Variants in SND1 observed in about 807,000 individuals in gnomAD.
SND1 encodes staphylococcal nuclease and tudor domain containing 1.
Under a neutral mutation model 121.7 loss-of-function variants are expected in SND1, and 38 were observed. The observed-to-expected ratio is 0.31, with a 90% CI of 0.24 to 0.41. The LOEUF (loss-of-function observed/expected upper bound fraction) is 0.41. Among genes scored for constraint, SND1 ranks in the 10% least tolerant of loss-of-function variants. The probability of loss-of-function intolerance (pLI) is 1.00; values close to 1 mark genes in which losing one functional copy is unlikely to be tolerated. For missense variants in SND1, 868 were observed against 1,184.6 expected, an observed-to-expected ratio of 0.73 and a Z score of 3.92; for synonymous variants, 401 against 447.4, an observed-to-expected ratio of 0.90 and a Z score of 1.31.
At chr7:127,680,703 G>A (rs769771849) in intron 1 of SND1, among the ~76,000 whole-genome samples, 4 of 150,728 alleles carry the variant, frequency 2.7e-5, no homozygotes, top group Non-Finnish European at 2.9e-5. Flanking sequence ...AAACACACAC[G>A]CTCTACAGTT....
At position 127,653,404 on chromosome 7, in the gene SND1, T is replaced by C. The variant is rs1467601848; in HGVS notation, c.78+953T>C. Among the ~76,000 whole-genome samples the C allele has an allele frequency of 3.3e-5, 5 of 152,242 alleles. No homozygotes were observed. The East Asian group carries it at 9.6e-4, about 29-fold the overall frequency. On this transcript the variant is annotated intron_variant, in intron 1 of 23. Coordinates refer to ENST00000354725, the MANE Select transcript of SND1 (RefSeq NM_014390.4). ...CTGGTTTATGATGACTGTAAACTTC[T>C]AGATGTCGTTTCATACTGCAGTTCT...
At chr7:127,730,278 A>G (rs1796652938) in intron 10 of SND1, among the ~76,000 whole-genome samples, 1 of 152,200 alleles carries the variant, frequency 6.6e-6, no homozygotes, top group African/African-American at 2.4e-5. Flanking sequence ...GACATTGGAC[A>G]GCTCTTAGTC....
intron 1 of SND1, among the ~76,000 whole-genome samples, chr7:127,662,842 A>G (rs990557662): frequency 2.0e-5 from 3 of 150,864 alleles, no homozygotes; most frequent in African/African-American, 7.3e-5. Flanking sequence ...AGTCCCTTGT[A>G]TAACATGGGA....
intron 13 of SND1, among the ~76,000 whole-genome samples, chr7:127,899,906 T>A (rs1001777195): frequency 2.0e-5 from 3 of 152,150 alleles, no homozygotes; most frequent in Non-Finnish European, 4.4e-5. Flanking sequence ...AGAGACATCA[T>A]GGAGGCTGCT....
intron 12 of SND1, among the ~76,000 whole-genome samples, chr7:127,847,198 G>A (rs574568824): frequency 3.3e-5 from 5 of 152,226 alleles, no homozygotes; most frequent in South Asian, 4.2e-4. Flanking sequence ...CTTGAACCCC[G>A]GAGGCGGGAG....
At chr7:127,807,998 A>AGCACG (rs1236966408) in intron 11 of SND1, among the ~76,000 whole-genome samples, 1 of 152,042 alleles carries the variant, frequency 6.6e-6, no homozygotes, top group African/African-American at 2.4e-5. Context: ...AGAGGGGATG[A>AGCACG]CCTGGACTAA....
At chr7:127,951,291 G>A (rs1801457108) in intron 15 of SND1, among the ~76,000 whole-genome samples, 1 of 152,190 alleles carries the variant, frequency 6.6e-6, no homozygotes, top group Admixed American at 6.5e-5. Context: ...TGAATCTGCA[G>A]GTCATTATGC....
At position 127,929,173 on chromosome 7, in the gene SND1, T is replaced by C. The variant is rs1392262526; in HGVS notation, c.1528-15T>C. ...TATTACTTTCCAGTTACTCTTTTCC[T>C]CTTTTCTCCATCAGGATACCCAAAA... On this transcript the variant is annotated splice_polypyrimidine_tract_variant and intron_variant, in intron 14 of 23. Transcript: ENST00000354725. 6.2e-7 allele frequency: 1 copy of C among 1,613,454 alleles called. No homozygotes were observed. The highest frequency in any genetic ancestry group is 1.1e-5 in the South Asian group (1 of 91,040).
At chr7:127,859,709 T>C (rs1799344245) in intron 12 of SND1, among the ~76,000 whole-genome samples, 2 of 152,190 alleles carry the variant, frequency 1.3e-5, no homozygotes, top group Admixed American at 6.5e-5. Context: ...ATCTAAGTAC[T>C]GATGCTTGGT....
chr7:128,051,122 A>T (rs1364463924), intron 16 of SND1, among the ~76,000 whole-genome samples: 1 of 152,160 alleles, frequency 6.6e-6, no homozygotes, highest in East Asian at 1.9e-4. Flanking sequence ...AGAGCTTCCC[A>T]CAGCTTCCCA....
intron 16 of SND1, among the ~76,000 whole-genome samples, chr7:128,057,510 C>T (rs1464043500): frequency 2.0e-5 from 3 of 152,238 alleles, no homozygotes; most frequent in African/African-American, 7.2e-5. Flanking sequence ...CTTCATTCTC[C>T]TGCTCAGCAT....
At chr7:127,841,126 A>G (rs1798957655) in intron 11 of SND1, among the ~76,000 whole-genome samples, 1 of 152,208 alleles carries the variant, frequency 6.6e-6, no homozygotes, top group Non-Finnish European at 1.5e-5. Flanking sequence ...ATAGTGAATT[A>G]GCCCTCTTGA....
chr7:127,899,990 T>C (rs1320557672), intron 13 of SND1, among the ~76,000 whole-genome samples: 2 of 152,202 alleles, frequency 1.3e-5, no homozygotes, highest in Non-Finnish European at 2.9e-5. Flanking sequence ...CTCTCAGCTC[T>C]GTAGCCTCCT....
rs956502927 is a variant in SND1 at position 127,954,771 on chromosome 7, G to A, written c.1669+25442G>A. On this transcript the variant is annotated intron_variant, in intron 15 of 23. Coordinates refer to ENST00000354725, the MANE Select transcript of SND1 (RefSeq NM_014390.4). Reference sequence around the variant, plus strand: ...GTTGCTTGTTTAGGAGCAGAGCTTTGTATGAAAAGCCAAATTGATGGCCTG... The same window carrying A: ...GTTGCTTGTTTAGGAGCAGAGCTTTATATGAAAAGCCAAATTGATGGCCTG... 5.9e-5 allele frequency among the ~76,000 whole-genome samples: 9 copies of A among 152,246 alleles called. No individual in the cohort carries two copies. In the South Asian group the frequency reaches 1.9e-3, roughly 32 times the overall value.
At chr7:128,089,362 T>C (rs1363429592) in intron 21 of SND1, 127 bp from the exon 22 acceptor site, 7 of 918,372 alleles carry the variant, frequency 7.6e-6, no homozygotes, top group Admixed American at 2.5e-5. Flanking sequence ...CCAACCTCAC[T>C]AGGGTTCTCT....
chr7:127,672,751 A>T (rs1795544542), intron 1 of SND1, among the ~76,000 whole-genome samples: 1 of 152,148 alleles, frequency 6.6e-6, no homozygotes, highest in Admixed American at 6.5e-5. Flanking sequence ...TTCAGAAATA[A>T]TTCCTCAGTC....
intron 17 of SND1, among the ~76,000 whole-genome samples, chr7:128,076,880 C>T (rs1793515178): frequency 2.6e-5 from 4 of 152,168 alleles, no homozygotes. Context: ...TAACTACCTC[C>T]CTGCTGAGTG....
intron 10 of SND1, among the ~76,000 whole-genome samples, chr7:127,770,056 T>C (rs1265479879): frequency 2.0e-5 from 3 of 152,220 alleles, no homozygotes; most frequent in Non-Finnish European, 4.4e-5. Context: ...CTGCCTAACC[T>C]TCCAGCTTTG....
intron 15 of SND1, among the ~76,000 whole-genome samples, chr7:127,961,875 G>A (rs1454774430): frequency 2.0e-5 from 3 of 152,194 alleles, no homozygotes; most frequent in Non-Finnish European, 4.4e-5. Flanking sequence ...ACACCCTCCT[G>A]CAACAACAGA....
Sources: gnomAD v4.1 joint callset for allele counts (sites outside exome capture counted in the v4.1 genomes callset) on GRCh38, gnomAD v4.1.1 for gene constraint, MANE v1.5 for transcripts, NCBI Gene and HGNC (gene_info 2026-07-23, HGNC 2026-07-21) for gene names.